The following PI16 variants were observed in gnomAD, a reference collection of about 807,000 sequenced individuals.
PI16 encodes the protein peptidase inhibitor 16.
In PI16, 35 loss-of-function variants were observed where a neutral mutation model predicts 38.0. The ratio of observed to expected loss-of-function variants is 0.92; its 90% confidence interval spans 0.70 to 1.22. The LOEUF (loss-of-function observed/expected upper bound fraction) is 1.22. Among genes scored for constraint, PI16 ranks in the 50% most tolerant of loss-of-function variants. The pLI, the probability that PI16 is intolerant of heterozygous loss-of-function variation, is 0.00. For synonymous variants in PI16, 275 were observed against 252.9 expected, an observed-to-expected ratio of 1.09 and a Z score of -0.83; for missense variants, 572 against 593.8, an observed-to-expected ratio of 0.96 and a Z score of 0.38.
Position 36,962,620 on chromosome 6 carries a change from C to T in PI16, c.593-315C>T, listed in dbSNP as rs6932789. 6.6e-6 allele frequency among the ~76,000 whole-genome samples: 1 copy of T among 152,050 alleles called. No individual in the cohort carries two copies. Among genetic ancestry groups the T allele is most frequent in the South Asian group, 2.1e-4 (1 of 4,822 alleles). On this transcript the variant is annotated intron_variant, in intron 4 of 6. Coordinates refer to ENST00000373674, the MANE Select transcript of PI16 (RefSeq NM_153370.3). This position sits in a 1 kb window ranked among gnomAD's most constrained non-coding sequence, Gnocchi z 4.1. ...TTCCGAGTAGCTGGGACTACAGGCA[C>T]GCGCCACCACGCCTGGCTAATTTTG...
rs750960327 is a variant in PI16 at position 36,961,892 on chromosome 6, C to T, written c.510C>T (p.Asn170=). ...LLVCNYEPPG[N]VKGKRPYQEG... is the part of the protein sequence containing the mutation. Reference sequence around the variant, plus strand: ...TCCTCCTGACCTCCTGTAGGGGGAACGTGAAGGGGAAACGGCCCTACCAGG... The same window carrying T: ...TCCTCCTGACCTCCTGTAGGGGGAATGTGAAGGGGAAACGGCCCTACCAGG... Residue 170 remains asparagine, a synonymous_variant, in exon 4 of 7, where the codon AAC becomes AAT. Coordinates refer to ENST00000373674, the MANE Select transcript of PI16 (RefSeq NM_153370.3). The T allele has an allele frequency of 9.3e-6, 15 of 1,613,648 alleles. No individual in the cohort carries two copies. Among genetic ancestry groups the T allele is most frequent in the Admixed American group, 1.7e-5 (1 of 59,996 alleles).
intron 1 of PI16, 152 bp from the exon 2 acceptor site, chr6:36,958,993 C>CA: frequency 1.5e-6 from 1 of 680,252 alleles, no homozygotes; most frequent in South Asian, 1.9e-5. Context: ...CACAGACGCC[C>CA]ACCCAGAGCA....
intron 1 of PI16, among the ~76,000 whole-genome samples, chr6:36,957,144 C>T (rs697747): frequency 0.24 from 35,845 of 152,098 alleles, 4,336 homozygotes; most frequent in East Asian, 0.4. Context: ...CTCCCTACTG[C>T]TTCAGGTTAA....
upstream of PI16, among the ~76,000 whole-genome samples, chr6:36,951,448 C>T (rs901637607): frequency 3.9e-5 from 6 of 152,150 alleles, no homozygotes; most frequent in Admixed American, 6.5e-5. Flanking sequence ...TGAGGTTTCA[C>T]CTTGTTGCCC....
intron 2 of PI16, among the ~76,000 whole-genome samples, chr6:36,959,960 G>A (rs1286883830): frequency 6.6e-6 from 1 of 152,010 alleles, no homozygotes; most frequent in African/African-American, 2.4e-5. Flanking sequence ...CCAATTTTAT[G>A]GACCATGGTT....
chr6:36,954,749 C>A lies in PI16; in HGVS notation c.-12C>A. The A allele has an allele frequency of 6.2e-7, 1 of 1,606,428 alleles. No individual in the cohort carries two copies. Among genetic ancestry groups the A allele is most frequent in the Non-Finnish European group, 8.5e-7 (1 of 1,175,742 alleles). On this transcript the variant is annotated 5_prime_UTR_variant, in exon 1 of 7. Transcript: ENST00000373674. ...GACCCCTGGACGGGAGAAGGAGAGA[C>A]GGCTGGCCACCATGCACGGCTCCTG...
chr6:36,961,418 T>C (rs764077749), intron 2 of PI16, 33 bp from the exon 3 acceptor site: 36 of 1,593,162 alleles, frequency 2.3e-5, no homozygotes, highest in Non-Finnish European at 3.0e-5. Context: ...CCACCTCGCA[T>C]GGGGCTGAGC....
chr6:36,959,375 C>A lies in PI16; in HGVS notation c.393+9C>A. On this transcript the variant is annotated intron_variant, in intron 2 of 6. Coordinates refer to ENST00000373674, the MANE Select transcript of PI16 (RefSeq NM_153370.3). ...GCGGCCACTACACGCAGGTGTGGGC[C>A]CGGCGGGCGAGGCGGGGCGGAGCCT... The A allele has an allele frequency of 6.5e-7, 1 of 1,545,006 alleles. No individual in the cohort carries two copies. Among genetic ancestry groups the A allele is most frequent in the Non-Finnish European group, 8.7e-7 (1 of 1,144,740 alleles).
Position 36,963,081 on chromosome 6 carries a change from G to C in PI16, c.739G>C (p.Glu247Gln). 6.2e-7 allele frequency: 1 copy of C among 1,614,250 alleles called. No homozygotes were observed. The highest frequency in any genetic ancestry group is 8.5e-7 in the Non-Finnish European group (1 of 1,180,046). ...GGGGATTCCGGCTTTCTTGGTAACAGAGGTCTCAGGCTCCCTGGCAACCAA... is the reference window on the plus strand; with the variant it reads ...GGGGATTCCGGCTTTCTTGGTAACACAGGTCTCAGGCTCCCTGGCAACCAA... ...ATGIPAFLVT[E>Q]VSGSLATKAL... Residue 247 changes from glutamate to glutamine, a missense_variant, in exon 5 of 7, where the codon GAG becomes CAG. By Grantham distance (29) the Glu-to-Gln change is conservative. Transcript: ENST00000373674.
rs1425110634 is a variant in PI16, at chr6:36,959,294, C to T, written c.321C>T (p.His107=). 6.3e-7 allele frequency: 1 copy of T among 1,593,248 alleles called. No homozygotes were observed. Among genetic ancestry groups the T allele is most frequent in the Non-Finnish European group, 8.5e-7 (1 of 1,170,508 alleles). Residue 107 remains histidine (H), a synonymous_variant, in exon 2 of 7, where the codon CAC becomes CAT. Coordinates refer to ENST00000373674, the MANE Select transcript of PI16 (RefSeq NM_153370.3). ...TGCCGCTGGCCATGGAGGAGTGGCA[C>T]CACGAGCGTGAGCACTACAACCTCA... ...MDVPLAMEEW[H]HEREHYNLSA... is the part of the protein sequence containing the mutation.
rs1003830074 is a variant in PI16, at chr6:36,962,104, G to T, written c.592+130G>T. On this transcript the variant is annotated intron_variant, in intron 4 of 6. Coordinates refer to ENST00000373674, the MANE Select transcript of PI16 (RefSeq NM_153370.3). This position sits in a 1 kb window ranked among gnomAD's most constrained non-coding sequence, Gnocchi z 4.1. ...AGGAGCCTGGTGGGATGCGACCACC[G>T]GGGGCCCCTGGCGGCTCCCTTAGCC... 2.6e-5 allele frequency: 17 copies of T among 659,822 alleles called. No homozygotes were observed. The highest frequency in any genetic ancestry group is 2.5e-4 in the African/African-American group (14 of 56,030). The allele number at this position is 659,822 out of a possible 1,614,324, so 40.9% of individuals were successfully genotyped here. A position where few individuals can be genotyped will look rare whatever the true frequency, so the allele number is the denominator to read the frequency against.
upstream of PI16, among the ~76,000 whole-genome samples, chr6:36,953,741 G>A (rs1441223469): frequency 6.6e-6 from 1 of 152,090 alleles, no homozygotes; most frequent in Non-Finnish European, 1.5e-5. Flanking sequence ...GCCCCTGCAA[G>A]GTCAAGGTCA....
At position 36,962,529 on chromosome 6, in the gene PI16, A is replaced by G. The variant is rs931542353; in HGVS notation, c.593-406A>G. On this transcript the variant is annotated intron_variant, in intron 4 of 6. Transcript: ENST00000373674. The surrounding 1 kb of genome is among the most constrained non-coding windows in gnomAD (Gnocchi z 4.1). The stretch of plus-strand genomic sequence containing the variant: ...CTCTTGTTGCCCAGGCTAGAGTGCA[A>G]TGGCTCGATCTCGGCTCACCTGCAA... 2.6e-5 allele frequency among the ~76,000 whole-genome samples: 4 copies of G among 151,960 alleles called. No homozygotes were observed. Among genetic ancestry groups the G allele is most frequent in the Admixed American group, 1.3e-4 (2 of 15,254 alleles).
At chr6:36,950,914 T>C (rs1763089417), upstream of PI16, among the ~76,000 whole-genome samples, 1 of 152,220 alleles carries the variant, frequency 6.6e-6, no homozygotes, top group African/African-American at 2.4e-5. This position sits in a 1 kb window ranked among gnomAD's most constrained non-coding sequence, Gnocchi z 4.2. Flanking sequence ...TAATTCTGTG[T>C]TTAATTTTTT....
chr6:36,955,393 G>A (rs929963743), intron 1 of PI16, among the ~76,000 whole-genome samples: 6 of 152,180 alleles, frequency 3.9e-5, no homozygotes, highest in Admixed American at 1.3e-4. Context: ...GCAGCAGGAT[G>A]GGCGTGGGCA....
At chr6:36,953,519 AGT>A (rs61386206), upstream of PI16, among the ~76,000 whole-genome samples, 12 of 150,950 alleles carry the variant, frequency 7.9e-5, no homozygotes, top group East Asian at 1.2e-3. Flanking sequence ...AATTCTAATA[AGT>A]GTGTGTGTGT....
chr6:36,961,850 AC>A, intron 3 of PI16, 35 bp from the exon 4 acceptor site: 2 of 1,553,688 alleles, frequency 1.3e-6, no homozygotes, highest in Non-Finnish European at 1.8e-6. Context: ...GGAGGGGTCG[AC>A]CCCCTCCCCG....
rs111864281 is a variant in PI16, at chr6:36,948,957, G to C, written c.-82+553G>C. Among the ~76,000 whole-genome samples the C allele has an allele frequency of 4.2e-3, 637 of 151,928 alleles. 3 individuals carry two copies. Among genetic ancestry groups the C allele is most frequent in the African/African-American group, 0.014 (574 of 41,412 alleles). Reference sequence around the variant, plus strand: ...CTACAGGCGTGTGCCACTACGCCCAGCTAATTTTTGGATTTTTAGTAGAGA... The same window carrying C: ...CTACAGGCGTGTGCCACTACGCCCACCTAATTTTTGGATTTTTAGTAGAGA... On this transcript the variant is annotated intron_variant, in intron 1 of 7. Transcript: ENST00000611814.
chr6:36,963,225 C>G lies in PI16; in HGVS notation c.883C>G (p.His295Asp). The change falls in exon 5 of 7, where the codon CAC becomes GAC. Residue 295 changes from histidine to aspartate, a missense_variant. Transcript: ENST00000373674. ...TTEVPSILAA[H>D]SLPSLDEEPV... is the part of the protein sequence containing the mutation. ...TGAGGTCCCTTCCATTTTGGCAGCT[C>G]ACAGCCTGCCCTCCTTGGATGAGGA... The G allele has an allele frequency of 1.2e-6, 2 of 1,614,250 alleles. No homozygotes were observed. Among genetic ancestry groups the G allele is most frequent in the Non-Finnish European group, 1.7e-6 (2 of 1,180,038 alleles).
Sources: gnomAD v4.1 joint callset for allele counts (sites outside exome capture counted in the v4.1 genomes callset) on GRCh38, gnomAD v4.1.1 for gene constraint, Gnocchi (gnomAD v3.1) non-coding constraint, MANE v1.5 for transcripts, NCBI Gene and HGNC (gene_info 2026-07-23, HGNC 2026-07-21) for gene names.